GSE1: variants seen among roughly 807,000 people sequenced by gnomAD.
GSE1 encodes the protein Gse1 coiled-coil protein, also known as genetic suppressor element 1.
GSE1 carries 32 observed loss-of-function variants against 112.6 expected under a neutral mutation model. The ratio of observed to expected loss-of-function variants is 0.28; its 90% CI spans 0.21 to 0.38. The LOEUF is 0.38. Among genes scored for constraint, GSE1 ranks in the 10% least tolerant of loss-of-function variants. The pLI is 1.00. For synonymous variants in GSE1, 1,115 were observed against 735.6 expected, an observed-to-expected ratio of 1.52 and a Z score of -8.35; for missense variants, 2,348 against 1,699.2, an observed-to-expected ratio of 1.38 and a Z score of -6.71.
At chr16:85,391,465 C>G (rs551729150) in intron 2 of GSE1, among the ~76,000 whole-genome samples, 1 of 152,314 alleles carries the variant, frequency 6.6e-6, no homozygotes, top group Non-Finnish European at 1.5e-5. Context: ...GGGCCACACT[C>G]TGCCTGGCAG....
chr16:85,659,421 G>A (rs1171771815), intron 8 of GSE1: 1 of 152,324 alleles, frequency 6.6e-6, no homozygotes, highest in African/African-American at 2.4e-5. Flanking sequence ...CTACTCTGGA[G>A]GCTGAGATGG....
chr16:85,326,511 C>T (rs535905608), intron 1 of GSE1, among the ~76,000 whole-genome samples: 27 of 152,298 alleles, frequency 1.8e-4, no homozygotes, highest in South Asian at 4.1e-4. Flanking sequence ...TCCCCTATGC[C>T]GTTCTTGTGA....
chr16:85,474,252 A>G (rs911377066), intron 2 of GSE1, among the ~76,000 whole-genome samples: 1 of 151,994 alleles, frequency 6.6e-6, no homozygotes, highest in African/African-American at 2.4e-5. Context: ...GAGAGCCGGC[A>G]TCTCAGTGCA....
At chr16:85,253,685 G>A (rs1337755197) in intron 1 of GSE1, among the ~76,000 whole-genome samples, 1 of 152,242 alleles carries the variant, frequency 6.6e-6, no homozygotes, top group Non-Finnish European at 1.5e-5. Flanking sequence ...CTTCCTGGAA[G>A]ACCTGGAGGA....
At chr16:85,650,778 CA>C (rs2051269081) in intron 3 of GSE1, among the ~76,000 whole-genome samples, 1 of 151,986 alleles carries the variant, frequency 6.6e-6, no homozygotes, top group Non-Finnish European at 1.5e-5. Context: ...AGTGGGGAGG[CA>C]GAGAGAGGAT....
chr16:85,573,331 C>G (rs2046088875), intron 1 of GSE1, among the ~76,000 whole-genome samples: 1 of 152,154 alleles, frequency 6.6e-6, no homozygotes, highest in Non-Finnish European at 1.5e-5. Flanking sequence ...TCTGTCCTGG[C>G]CTGGATAGAC....
chr16:85,365,172 C>T (rs1192788114), intron 2 of GSE1, among the ~76,000 whole-genome samples: 6 of 152,164 alleles, frequency 3.9e-5, no homozygotes, highest in Admixed American at 3.9e-4. Context: ...GGGCTGGGGT[C>T]GGGGCTGTGT....
intron 1 of GSE1, among the ~76,000 whole-genome samples, chr16:85,294,638 T>TCC (rs2045314088): frequency 7.1e-6 from 1 of 139,954 alleles, no homozygotes. Context: ...TCTCTCTCTC[T>TCC]CTCTCTCTCT....
At chr16:85,483,453 C>T (rs765122746) in intron 2 of GSE1, among the ~76,000 whole-genome samples, 33 of 152,252 alleles carry the variant, frequency 2.2e-4, no homozygotes, top group Admixed American at 1.8e-3. Context: ...GGGCTGGCCA[C>T]GAGGGTTGTG....
chr16:85,663,977 G>A (rs1001109434), intron 11 of GSE1, among the ~76,000 whole-genome samples: 1 of 152,258 alleles, frequency 6.6e-6, no homozygotes, highest in Non-Finnish European at 1.5e-5. Context: ...CCTCTTGCTG[G>A]ACCGCTTAGG....
intron 2 of GSE1, among the ~76,000 whole-genome samples, chr16:85,509,109 G>A (rs574516599): frequency 3.9e-5 from 6 of 152,330 alleles, no homozygotes; most frequent in South Asian, 4.1e-4. Context: ...GGTGAGGGGC[G>A]AGACACGGAC....
chr16:85,507,946 C>G (rs1452708665), intron 2 of GSE1, among the ~76,000 whole-genome samples: 1 of 152,176 alleles, frequency 6.6e-6, no homozygotes, highest in Non-Finnish European at 1.5e-5. Context: ...GTAATGGGCC[C>G]CTGCATGACA....
chr16:85,396,806 A>C (rs568237028), intron 2 of GSE1, among the ~76,000 whole-genome samples: 1 of 152,194 alleles, frequency 6.6e-6, no homozygotes, highest in African/African-American at 2.4e-5. Flanking sequence ...GGTCAGGGCC[A>C]TGGGCTGGGC....
At chr16:85,404,742 A>G (rs1348124498) in intron 2 of GSE1, among the ~76,000 whole-genome samples, 2 of 20,460 alleles carry the variant, frequency 9.8e-5, no homozygotes, top group Admixed American at 6.4e-4. Flanking sequence ...GATAATCCTC[A>G]CCGTTACACT....
chr16:85,311,959 G>C lies in GSE1; in HGVS notation c.2284-45504G>C, dbSNP rs752307916. On this transcript the variant is annotated intron_variant, in intron 1 of 2. Coordinates refer to the GSE1 transcript ENST00000637419. The surrounding 1 kb of genome is among the most constrained non-coding windows in gnomAD (Gnocchi z 4.2). ...TGCCCAGCCCCAGCCCCGCACCACT[G>C]TCCTCATGTCTGGAGATGTGGGCGG... is the stretch of plus-strand genomic sequence containing the variant. Among the ~76,000 whole-genome samples the C allele has an allele frequency of 1.3e-5, 2 of 152,176 alleles. No individual in the cohort carries two copies. The highest frequency in any genetic ancestry group is 2.4e-5 in the African/African-American group (1 of 41,446).
At chr16:85,306,810 C>T (rs757733629) in intron 1 of GSE1, among the ~76,000 whole-genome samples, 1 of 152,216 alleles carries the variant, frequency 6.6e-6, no homozygotes, top group African/African-American at 2.4e-5. Context: ...CTTGACAGAG[C>T]GACTTTTAGG....
chr16:85,498,920 C>T (rs72801109), intron 2 of GSE1, among the ~76,000 whole-genome samples: 8 of 152,230 alleles, frequency 5.3e-5, no homozygotes, highest in African/African-American at 1.4e-4. Context: ...AGGCCGTGAG[C>T]GGCATTGCAC....
rs545380101 is a variant in GSE1 at position 85,616,789 on chromosome 16, C to T, written c.7+3391C>T. Among the ~76,000 whole-genome samples the T allele has an allele frequency of 7.9e-5, 12 of 152,196 alleles. No homozygotes were observed. The South Asian group carries it at 1.5e-3, about 18-fold the overall frequency. On this transcript the variant is annotated intron_variant, in intron 1 of 15. Transcript: ENST00000253458. ...CTTCCGCATGCTGGCCTTTCTCCCC[C>T]GGCTGAGGCCACAGCCTGGGAGGTG...
At chr16:85,273,437 A>G (rs866415359) in intron 1 of GSE1, among the ~76,000 whole-genome samples, 1 of 152,250 alleles carries the variant, frequency 6.6e-6, no homozygotes, top group African/African-American at 2.4e-5. Context: ...GAGAAACAAC[A>G]TGTGGCCTCT....
Sources: allele counts gnomAD v4.1 joint callset (sites outside exome capture counted in the v4.1 genomes callset), GRCh38; gene constraint gnomAD v4.1.1; non-coding constraint Gnocchi (gnomAD v3.1); transcripts MANE v1.5; gene names NCBI Gene and HGNC (gene_info 2026-07-23, HGNC 2026-07-21).